Variants in SGCZ observed in about 807,000 individuals in gnomAD.
SGCZ encodes sarcoglycan zeta.
SGCZ carries 40 observed loss-of-function variants against 41.3 expected under a neutral mutation model. The ratio of observed to expected loss-of-function variants is 0.97; its 90% CI spans 0.75 to 1.26. SGCZ has a LOEUF of 1.26. Ranked by LOEUF, SGCZ falls within the 50% of genes most tolerant of loss-of-function variation. The pLI is 0.00. For missense variants in SGCZ, 552 were observed against 369.8 expected (o/e 1.49, Z -4.04); for synonymous variants, 206 against 137.5 (o/e 1.50, Z -3.49).
At chr8:14,379,304 T>A (rs1189662450) in intron 2 of SGCZ, among the ~76,000 whole-genome samples, 1 of 152,194 alleles carries the variant, frequency 6.6e-6, no homozygotes, top group Non-Finnish European at 1.5e-5. Context: ...CTAACTTACG[T>A]AAGTCAATAG....
In SGCZ at chr8:15,107,197, C is replaced by T. The variant is rs1250297033; in HGVS notation, c.39+130388G>A. Among the ~76,000 whole-genome samples, 4 of 152,102 alleles carry T rather than the reference C, an allele frequency of 2.6e-5. No homozygotes were observed. The East Asian group carries it at 7.7e-4, about 29-fold the overall frequency. On this transcript the variant is annotated intron_variant, in intron 1 of 7. Transcript: ENST00000382080. ...TTAAAAGTTTTGTTATCATGCTCTG[C>T]TGATTTTGTAACAATATTTTAGAAC... is the stretch of plus-strand genomic sequence containing the variant.
At chr8:14,852,366 T>C (rs762555342) in intron 1 of SGCZ, among the ~76,000 whole-genome samples, 47 of 152,178 alleles carry the variant, frequency 3.1e-4, no homozygotes, top group Admixed American at 2.9e-3. Flanking sequence ...TATTCAAAGA[T>C]ATCTCAGTTG....
chr8:15,071,702 A>C (rs1415936651), intron 1 of SGCZ, among the ~76,000 whole-genome samples: 2 of 152,196 alleles, frequency 1.3e-5, no homozygotes, highest in Non-Finnish European at 2.9e-5. Flanking sequence ...TACCAACCTC[A>C]AAGTTAAAAT....
At chr8:14,307,816 G>A (rs1372901119) in intron 3 of SGCZ, among the ~76,000 whole-genome samples, 1 of 152,016 alleles carries the variant, frequency 6.6e-6, no homozygotes, top group Non-Finnish European at 1.5e-5. Context: ...AGAGGTCATA[G>A]GCAAGATGGC....
rs139625062 is a variant in SGCZ, at chr8:14,239,642, C to A, written c.337-1963G>T. ...AGTATATTATAAGAATTATTTCACG[C>A]CTGTAATTCCAGCACTTTGGGAGGC... is the stretch of plus-strand genomic sequence containing the variant. On this transcript the variant is annotated intron_variant, in intron 3 of 7. Coordinates refer to ENST00000382080, the MANE Select transcript of SGCZ (RefSeq NM_139167.4). 2.2e-3 allele frequency among the ~76,000 whole-genome samples: 338 copies of A among 151,756 alleles called. 1 individual carries two copies. The highest frequency in any genetic ancestry group is 6.8e-3 in the African/African-American group (282 of 41,380).
chr8:14,418,942 C>T (rs144195593), intron 2 of SGCZ, among the ~76,000 whole-genome samples: 2,256 of 151,988 alleles, frequency 0.015, 22 homozygotes, highest in Non-Finnish European at 0.024. Context: ...CTGTAGGTTT[C>T]GAATAGTCAC....
chr8:14,952,936 C>T (rs1273613122), intron 1 of SGCZ, among the ~76,000 whole-genome samples: 6 of 152,086 alleles, frequency 3.9e-5, no homozygotes, highest in African/African-American at 1.4e-4. Context: ...ATGAAATCAA[C>T]ACTGCAAAAT....
At chr8:15,039,761 C>G (rs558331868) in intron 1 of SGCZ, among the ~76,000 whole-genome samples, 28 of 152,190 alleles carry the variant, frequency 1.8e-4, no homozygotes, top group African/African-American at 6.5e-4. Context: ...ATTGTTTGTA[C>G]GTTTTCATTT....
intron 4 of SGCZ, among the ~76,000 whole-genome samples, chr8:14,224,878 G>A (rs1045485100): frequency 7.2e-5 from 11 of 152,030 alleles, no homozygotes; most frequent in African/African-American, 1.2e-4. Flanking sequence ...CCCTACCAAC[G>A]TTTTCCTCAA....
chr8:15,233,706 A>C (rs1213244619), intron 1 of SGCZ, among the ~76,000 whole-genome samples: 1 of 151,890 alleles, frequency 6.6e-6, no homozygotes, highest in Non-Finnish European at 1.5e-5. Context: ...TATGTGTCTC[A>C]AGATTAACTA....
At chr8:15,075,144 T>A (rs972925613) in intron 1 of SGCZ, among the ~76,000 whole-genome samples, 1 of 148,588 alleles carries the variant, frequency 6.7e-6, no homozygotes, top group African/African-American at 2.5e-5. Context: ...TTTCTTTATA[T>A]ATCTCATCTT....
intron 3 of SGCZ, among the ~76,000 whole-genome samples, chr8:14,264,316 G>C (rs1342658164): frequency 1.3e-5 from 2 of 152,148 alleles, no homozygotes; most frequent in Admixed American, 6.5e-5. Context: ...TAGCCTTGGA[G>C]ACCAGCATCG....
At chr8:14,817,329 A>T (rs1801938332) in intron 1 of SGCZ, among the ~76,000 whole-genome samples, 1 of 151,906 alleles carries the variant, frequency 6.6e-6, no homozygotes. Flanking sequence ...GGTCATCACT[A>T]CTGCCACAAA....
At chr8:14,944,452 T>C (rs777543208) in intron 1 of SGCZ, among the ~76,000 whole-genome samples, 2 of 152,204 alleles carry the variant, frequency 1.3e-5, no homozygotes, top group African/African-American at 2.4e-5. Context: ...GTTATGAGTA[T>C]ACTGGAAAAC....
In SGCZ at chr8:14,999,780, C is replaced by T. The variant is rs544032779; in HGVS notation, c.39+237805G>A. The stretch of plus-strand genomic sequence containing the variant: ...AAAGCTATGAAGGCCAACTCCCATG[C>T]ACCATGCAAAGTAATGGGGAAGTAA... On this transcript the variant is annotated intron_variant, in intron 1 of 7. Transcript: ENST00000382080. Among the ~76,000 whole-genome samples the T allele has an allele frequency of 3.4e-4, 52 of 152,298 alleles. No homozygotes were observed. The South Asian group carries it at 0.011, about 32-fold the overall frequency.
intron 1 of SGCZ, among the ~76,000 whole-genome samples, chr8:15,084,841 G>T (rs1478967774): frequency 6.6e-6 from 1 of 152,130 alleles, no homozygotes; most frequent in African/African-American, 2.4e-5. Context: ...TCTCATATAT[G>T]TGAGTTTCAC....
At position 15,092,106 on chromosome 8, in the gene SGCZ, TA is replaced by T. The variant is rs1021546761; in HGVS notation, c.39+145478del. Among the ~76,000 whole-genome samples the T allele has an allele frequency of 5.1e-3, 769 of 152,212 alleles. 5 individuals are homozygous for T. Among genetic ancestry groups the T allele is most frequent in the African/African-American group, 0.018 (728 of 41,540 alleles). On this transcript the variant is annotated intron_variant, in intron 1 of 7. Coordinates refer to ENST00000382080, the MANE Select transcript of SGCZ (RefSeq NM_139167.4). ...ACACACTACACTAAAAACAGCTATA[TA>T]AAAAAACAGCATAATACGGTCAGTG...
chr8:14,355,293 A>G (rs1298605354), intron 2 of SGCZ, among the ~76,000 whole-genome samples: 2 of 152,122 alleles, frequency 1.3e-5, no homozygotes, highest in Non-Finnish European at 2.9e-5. Flanking sequence ...TTAAAAACTC[A>G]AAGTCTATAT....
intron 2 of SGCZ, among the ~76,000 whole-genome samples, chr8:14,369,990 A>G (rs1803853191): frequency 6.6e-6 from 1 of 151,986 alleles, no homozygotes; most frequent in Admixed American, 6.6e-5. Flanking sequence ...GATGATGGAA[A>G]TATCCCACAT....
Sources: gnomAD v4.1 joint callset for allele counts (sites outside exome capture counted in the v4.1 genomes callset) on GRCh38, gnomAD v4.1.1 for gene constraint, MANE v1.5 for transcripts, NCBI Gene and HGNC (gene_info 2026-07-23, HGNC 2026-07-21) for gene names.